DCHS2: variants seen among roughly 807,000 people sequenced by gnomAD.
DCHS2 encodes the protein protocadherin-23.
DCHS2 carries 142 observed loss-of-function variants against 182.4 expected under a neutral mutation model. That is an observed-to-expected ratio of 0.78 (90% CI 0.68 to 0.89). DCHS2 has a LOEUF of 0.89. Among genes scored for constraint, DCHS2 ranks in the 40% least tolerant of loss-of-function variants. DCHS2 has a pLI of 0.00. For missense variants in DCHS2, 4,319 were observed against 4,198.6 expected, an observed-to-expected ratio of 1.03 and a Z score of -0.79; for synonymous variants, 1,740 against 1,663.3, an observed-to-expected ratio of 1.05 and a Z score of -1.12.
At chr4:154,279,466 G>C (rs1007594307) in intron 13 of DCHS2, among the ~76,000 whole-genome samples, 6 of 151,832 alleles carry the variant, frequency 4.0e-5, no homozygotes, top group African/African-American at 1.4e-4. Flanking sequence ...CTTTTATCAG[G>C]AAAAATTGGC....
chr4:154,298,324 C>T lies in DCHS2; in HGVS notation c.5990G>A (p.Arg1997His), dbSNP rs756960711. 62 of 1,614,010 alleles carry T rather than the reference C, an allele frequency of 3.8e-5. No homozygotes were observed. The highest frequency in any genetic ancestry group is 3.3e-4 in the Middle Eastern group (2 of 6,084). ...GTLKTSNTLDREARSQHTFSA... is the reference protein window; with the variant it reads ...GTLKTSNTLDHEARSQHTFSA... Reference sequence around the variant, plus strand: ...AAATGTATGCTGAGATCTGGCTTCACGGTCGAGGGTGTTGCTGGTTTTCAA... The same window carrying T: ...AAATGTATGCTGAGATCTGGCTTCATGGTCGAGGGTGTTGCTGGTTTTCAA... The change falls in exon 13 of 20, where the codon CGT becomes CAT. Residue 1997 changes from arginine (R) to histidine (H), a missense_variant. Arg to His is a conservative substitution (Grantham distance 29). Transcript: ENST00000357232.
chr4:154,420,278 T>C (rs1327442928), intron 1 of DCHS2, among the ~76,000 whole-genome samples: 1 of 151,764 alleles, frequency 6.6e-6, no homozygotes, highest in African/African-American at 2.4e-5. Flanking sequence ...GATAGATAGA[T>C]AGATAGATAG....
At chr4:154,251,163 T>C (rs1354354750) in intron 16 of DCHS2, among the ~76,000 whole-genome samples, 2 of 152,244 alleles carry the variant, frequency 1.3e-5, no homozygotes, top group African/African-American at 4.8e-5. Context: ...TTTCTCCCAG[T>C]CATAATGAGC....
At chr4:154,414,971 T>C (rs7660343) in intron 1 of DCHS2, among the ~76,000 whole-genome samples, 52,115 of 152,004 alleles carry the variant, frequency 0.34, 10,639 homozygotes, top group African/African-American at 0.58. Context: ...AAGAAGGTGA[T>C]GCCGCGGCTA....
Position 154,491,071 on chromosome 4 carries a change from C to T in DCHS2, c.285G>A (p.Gln95=), listed in dbSNP as rs760047693. The change falls in exon 1 of 20, where the codon CAG becomes CAA. Residue 95 remains glutamine (Q), a synonymous_variant. Transcript: ENST00000357232. ...DIRAGLPAAQ[Q]QEGSGFFLSE... is the part of the protein sequence containing the mutation. ...ACAGAAAGAAGCCGCTCCCCTCCTG[C>T]TGCTGCGCGGCCGGCAGCCCGGCGC... The T allele has an allele frequency of 4.2e-5, 65 of 1,551,176 alleles. No homozygotes were observed. In the South Asian group the frequency reaches 7.3e-4, roughly 17 times the overall value.
At chr4:154,317,789 C>G (rs1008481691) in intron 9 of DCHS2, among the ~76,000 whole-genome samples, 4 of 151,990 alleles carry the variant, frequency 2.6e-5, no homozygotes, top group African/African-American at 9.7e-5. Flanking sequence ...ATGGTGACAG[C>G]AAGACAAGTA....
chr4:154,397,411 G>T (rs983756334), intron 1 of DCHS2, among the ~76,000 whole-genome samples: 1 of 152,108 alleles, frequency 6.6e-6, no homozygotes, highest in Non-Finnish European at 1.5e-5. Flanking sequence ...TGAAAAGAGA[G>T]CCCATTTGTA....
At chr4:154,397,513 C>T (rs534607100) in intron 1 of DCHS2, among the ~76,000 whole-genome samples, 1 of 152,322 alleles carries the variant, frequency 6.6e-6, no homozygotes, top group African/African-American at 2.4e-5. Context: ...ACTTCTCATG[C>T]TTCTTACCAA....
intron 13 of DCHS2, among the ~76,000 whole-genome samples, chr4:154,292,027 A>G (rs1213248383): frequency 6.6e-6 from 1 of 152,208 alleles, no homozygotes; most frequent in East Asian, 1.9e-4. Flanking sequence ...TGATTATTAC[A>G]CATTGCATGC....
rs1006575090 is a variant in DCHS2 at position 154,381,422 on chromosome 4, G to A, written c.2053-3978C>T. Among the ~76,000 whole-genome samples, 11 of 152,026 alleles carry A rather than the reference G, an allele frequency of 7.2e-5. No homozygotes were observed. In the South Asian group the frequency reaches 1.9e-3, roughly 26 times the overall value. On this transcript the variant is annotated intron_variant, in intron 1 of 19. Coordinates refer to ENST00000357232, the MANE Select transcript of DCHS2 (RefSeq NM_001358235.2). ...TCGCCACTCCTATTCAACACAGTAC[G>A]GGAAGTCCTAGCCAGAGCAATCGGG...
chr4:154,445,136 G>A (rs1310205175), intron 1 of DCHS2, among the ~76,000 whole-genome samples: 1 of 152,158 alleles, frequency 6.6e-6, no homozygotes, highest in African/African-American at 2.4e-5. Context: ...TGCACCATGA[G>A]TTGTTACTTC....
Position 154,233,384 on chromosome 4 carries a change from C to T in DCHS2, c.*1152G>A, listed in dbSNP as rs1731281985. ...GTACAGAGTCATTTTAACCATGTGC[C>T]AAACTGCTCCATCTAATGACAGTTA... On this transcript the variant is annotated 3_prime_UTR_variant, in exon 20 of 20. Coordinates refer to ENST00000357232, the MANE Select transcript of DCHS2 (RefSeq NM_001358235.2). 1 of 152,174 alleles carries T rather than the reference C, an allele frequency of 6.6e-6. No individual in the cohort carries two copies. Among genetic ancestry groups the T allele is most frequent in the African/African-American group, 2.4e-5 (1 of 41,436 alleles). 9.4% of individuals were successfully genotyped at this position (152,174 alleles called of 1,614,324 possible). A position where few individuals can be genotyped will look rare whatever the true frequency, so the allele number is the denominator to read the frequency against.
chr4:154,341,587 TATATATACACATACATTC>T (rs1478949024), intron 3 of DCHS2, among the ~76,000 whole-genome samples: 2 of 74,710 alleles, frequency 2.7e-5, no homozygotes, highest in South Asian at 4.1e-4. Flanking sequence ...CATACATTCA[TATATATACACATACATTC>T]ATATATATAT....
At chr4:154,309,163 C>A (rs998961524) in intron 10 of DCHS2, among the ~76,000 whole-genome samples, 9 of 152,154 alleles carry the variant, frequency 5.9e-5, no homozygotes, top group Non-Finnish European at 1.2e-4. Context: ...GTTCCCTCTG[C>A]CTGCTCTTTT....
At chr4:154,377,018 T>C (rs368270214) in intron 2 of DCHS2, among the ~76,000 whole-genome samples, 1 of 152,202 alleles carries the variant, frequency 6.6e-6, no homozygotes, top group Non-Finnish European at 1.5e-5. Context: ...TAAAGCATTA[T>C]TGTTAATGTT....
At chr4:154,297,149 G>C (rs566665083) in intron 13 of DCHS2, among the ~76,000 whole-genome samples, 2 of 152,192 alleles carry the variant, frequency 1.3e-5, no homozygotes, top group African/African-American at 4.8e-5. Flanking sequence ...TTTTCACAGG[G>C]GCCCAAGAAA....
chr4:154,243,383 C>T (rs1553996606), intron 16 of DCHS2, among the ~76,000 whole-genome samples: 1 of 152,152 alleles, frequency 6.6e-6, no homozygotes, highest in Non-Finnish European at 1.5e-5. Context: ...AATTTAATCT[C>T]TCTTGGATGA....
At chr4:154,295,797 C>G (rs188947032) in intron 13 of DCHS2, among the ~76,000 whole-genome samples, 1 of 152,288 alleles carries the variant, frequency 6.6e-6, no homozygotes, top group African/African-American at 2.4e-5. Context: ...CCGACCCACT[C>G]AACTACATTA....
chr4:154,295,337 T>C (rs1734874292), intron 13 of DCHS2, among the ~76,000 whole-genome samples: 1 of 152,228 alleles, frequency 6.6e-6, no homozygotes. Context: ...TAATGCTCAT[T>C]CCAATGAATT....
Sources: allele counts gnomAD v4.1 joint callset (sites outside exome capture counted in the v4.1 genomes callset), GRCh38; gene constraint gnomAD v4.1.1; transcripts MANE v1.5; gene names NCBI Gene and HGNC (gene_info 2026-07-23, HGNC 2026-07-21).